Variants in ZHX2 observed in about 807,000 individuals in gnomAD.
The protein encoded by ZHX2 is zinc fingers and homeoboxes 2, also known as zinc fingers and homeoboxes protein 2.
A neutral mutation model predicts 21.9 loss-of-function variants in ZHX2; 6 were observed. That is an observed-to-expected ratio of 0.27 (90% confidence interval 0.15 to 0.54). The LOEUF (loss-of-function observed/expected upper bound fraction) is 0.54. Ranked by LOEUF, ZHX2 falls within the 20% of genes least tolerant of loss-of-function variation. The pLI, the probability that ZHX2 is intolerant of heterozygous loss-of-function variation, is 0.95. For synonymous variants in ZHX2, 434 were observed against 437.1 expected (o/e 0.99, Z 0.09); for missense variants, 908 against 1,090.7 (o/e 0.83, Z 2.36).
chr8:122,893,469 A>C (rs1196722918), intron 2 of ZHX2, among the ~76,000 whole-genome samples: 2 of 152,132 alleles, frequency 1.3e-5, no homozygotes, highest in African/African-American at 4.8e-5. Context: ...TTCACTTTAT[A>C]GTATCCTATA....
intron 1 of ZHX2, among the ~76,000 whole-genome samples, chr8:122,784,935 C>G (rs955014571): frequency 4.6e-5 from 7 of 152,196 alleles, no homozygotes; most frequent in African/African-American, 1.7e-4. Context: ...AGACAGAGCC[C>G]CCCTGGCAGA....
At chr8:122,862,568 T>TA (rs1281174476) in intron 1 of ZHX2, among the ~76,000 whole-genome samples, 1 of 152,122 alleles carries the variant, frequency 6.6e-6, no homozygotes, top group African/African-American at 2.4e-5. Flanking sequence ...CCTTGAATAG[T>TA]AATACCCCAG....
chr8:122,835,266 G>A (rs545155742), intron 1 of ZHX2, among the ~76,000 whole-genome samples: 25 of 152,346 alleles, frequency 1.6e-4, no homozygotes, highest in Admixed American at 1.6e-3. Flanking sequence ...TCTAGCACCG[G>A]CGCTGAAGTA....
At chr8:122,958,420 C>T (rs1254878803) in intron 3 of ZHX2, among the ~76,000 whole-genome samples, 3 of 152,190 alleles carry the variant, frequency 2.0e-5, no homozygotes, top group African/African-American at 7.2e-5. Context: ...CATTGTCAGA[C>T]ATCAGCCTTG....
intron 1 of ZHX2, among the ~76,000 whole-genome samples, chr8:122,855,801 T>C (rs1819011465): frequency 1.3e-5 from 2 of 152,240 alleles, no homozygotes; most frequent in African/African-American, 4.8e-5. Flanking sequence ...AAAACACAGC[T>C]AGCTGCCTTC....
chr8:122,795,608 G>T (rs1036279967), intron 1 of ZHX2, among the ~76,000 whole-genome samples: 1 of 152,142 alleles, frequency 6.6e-6, no homozygotes, highest in Non-Finnish European at 1.5e-5. Context: ...GTGGTAGGAA[G>T]GCAGGATGTA....
intron 1 of ZHX2, among the ~76,000 whole-genome samples, chr8:122,818,511 G>A (rs565523613): frequency 6.6e-6 from 1 of 151,860 alleles, no homozygotes; most frequent in Non-Finnish European, 1.5e-5. Flanking sequence ...CTAGTTTCTC[G>A]CCCCTCAGAT....
At chr8:122,901,326 T>C (rs551814681) in intron 2 of ZHX2, among the ~76,000 whole-genome samples, 1 of 152,328 alleles carries the variant, frequency 6.6e-6, no homozygotes, top group African/African-American at 2.4e-5. Flanking sequence ...CTGGATCACC[T>C]GGGGGTGTCC....
At chr8:122,945,462 A>T (rs926607036) in intron 2 of ZHX2, among the ~76,000 whole-genome samples, 57 of 142,414 alleles carry the variant, frequency 4.0e-4, no homozygotes, top group Non-Finnish European at 8.4e-4. Context: ...AAAAAAAAAA[A>T]AGGCATGTAT....
intron 1 of ZHX2, among the ~76,000 whole-genome samples, chr8:122,834,584 T>A (rs973041585): frequency 6.6e-6 from 1 of 152,240 alleles, no homozygotes; most frequent in Non-Finnish European, 1.5e-5. Flanking sequence ...ACTTTCCTCA[T>A]CACGATTGTT....
intron 1 of ZHX2, among the ~76,000 whole-genome samples, chr8:122,840,384 C>T (rs983124574): frequency 6.6e-6 from 1 of 152,140 alleles, no homozygotes; most frequent in African/African-American, 2.4e-5. Flanking sequence ...CTCTCCCACT[C>T]GCCAGTCCCT....
At chr8:122,914,018 T>G (rs535051392) in intron 2 of ZHX2, among the ~76,000 whole-genome samples, 126 of 152,350 alleles carry the variant, frequency 8.3e-4, no homozygotes, top group African/African-American at 3.0e-3. Flanking sequence ...TTCCACTCCC[T>G]TTGTTCACAG....
At chr8:122,801,579 T>C (rs1817720551) in intron 1 of ZHX2, among the ~76,000 whole-genome samples, 1 of 110,584 alleles carries the variant, frequency 9.0e-6, no homozygotes, top group Admixed American at 1.0e-4. Flanking sequence ...TGAAATGCCA[T>C]CTCTACAAAA....
intron 1 of ZHX2, among the ~76,000 whole-genome samples, chr8:122,854,225 G>C (rs1379002569): frequency 1.3e-5 from 2 of 152,150 alleles, no homozygotes; most frequent in African/African-American, 4.8e-5. Context: ...CTGTGATGTG[G>C]AACCCTGAGT....
chr8:122,853,614 G>A (rs7819000), intron 1 of ZHX2, among the ~76,000 whole-genome samples: 8 of 152,068 alleles, frequency 5.3e-5, no homozygotes, highest in East Asian at 1.9e-4. Context: ...CCTTTCAGCC[G>A]TGCCCTTGCT....
chr8:122,787,728 G>A (rs1278590888), intron 1 of ZHX2, among the ~76,000 whole-genome samples: 1 of 152,208 alleles, frequency 6.6e-6, no homozygotes, highest in Non-Finnish European at 1.5e-5. Flanking sequence ...GAAGGAGCCT[G>A]CTATTGAGGC....
chr8:122,936,172 A>G (rs1226408154), intron 2 of ZHX2, among the ~76,000 whole-genome samples: 1 of 152,228 alleles, frequency 6.6e-6, no homozygotes. Flanking sequence ...GAGTGGTAAG[A>G]TGCAGATTGC....
intron 2 of ZHX2, among the ~76,000 whole-genome samples, chr8:122,917,470 A>G (rs1013179621): frequency 2.6e-5 from 4 of 151,854 alleles, no homozygotes; most frequent in Non-Finnish European, 5.9e-5. Context: ...TCCCCACCCC[A>G]TGTTACTTTC....
chr8:122,784,948 C>CGCAAAGCACTG (rs1206384612), intron 1 of ZHX2, among the ~76,000 whole-genome samples: 2 of 152,216 alleles, frequency 1.3e-5, no homozygotes, highest in East Asian at 3.9e-4. Flanking sequence ...CTGGCAGAAA[C>CGCAAAGCACTG]GCAAAGCACT....
Sources: allele counts gnomAD v4.1 joint callset (sites outside exome capture counted in the v4.1 genomes callset), GRCh38; gene constraint gnomAD v4.1.1; transcripts MANE v1.5; gene names NCBI Gene and HGNC (gene_info 2026-07-23, HGNC 2026-07-21).